The following NOX4 variants were observed in gnomAD, a reference collection of about 807,000 sequenced individuals.
NOX4 encodes the protein kidney oxidase-1.
Under a neutral mutation model 87.6 loss-of-function variants are expected in NOX4, and 69 were observed. That is an observed-to-expected ratio of 0.79 (90% confidence interval 0.65 to 0.96). The LOEUF is 0.96. Ranked by LOEUF, NOX4 falls within the 40% of genes least tolerant of loss-of-function variation. NOX4 has a pLI of 0.00. For missense variants in NOX4, 680 were observed against 681.5 expected, an observed-to-expected ratio of 1.00 and a Z score of 0.02; for synonymous variants, 275 against 238.2, an observed-to-expected ratio of 1.15 and a Z score of -1.42.
intron 2 of NOX4, among the ~76,000 whole-genome samples, chr11:89,456,045 T>C (rs1050547486): frequency 1.3e-5 from 2 of 152,056 alleles, no homozygotes; most frequent in African/African-American, 4.8e-5. Flanking sequence ...TAATTTACTG[T>C]ATATTCCAAA....
Position 89,326,849 on chromosome 11 carries a change from T to C in NOX4, c.1644A>G (p.Gly548=). The change falls in exon 18 of 18, where the codon GGA becomes GGG. Residue 548 remains glycine (G), a synonymous_variant. Coordinates refer to ENST00000263317, the MANE Select transcript of NOX4 (RefSeq NM_016931.5). ...RGKTVGVFCC[G]PNSLSKTLHK... ...GAAGAGTCTTGGATAGTGAATTGGG[T>C]CCACAACAGAAAACACCAACTGTTT... 6.2e-7 allele frequency: 1 copy of C among 1,613,228 alleles called. No individual in the cohort carries two copies.
chr11:89,461,657 A>AATAAATAAATAAATAAATAC (rs1370216569), intron 2 of NOX4, among the ~76,000 whole-genome samples: 5 of 151,690 alleles, frequency 3.3e-5, no homozygotes, highest in Non-Finnish European at 5.9e-5. Flanking sequence ...AAAATAAATA[A>AATAAATAAATAAATAAATAC]ATAAATAAAT....
chr11:89,355,461 TTC>T (rs1937971953), intron 12 of NOX4, among the ~76,000 whole-genome samples: 1 of 148,818 alleles, frequency 6.7e-6, no homozygotes, highest in Admixed American at 6.9e-5. Flanking sequence ...TATATTTTTT[TTC>T]CTTAATGGTA....
At chr11:89,540,249 T>C in the NOX4 span, among the ~76,000 whole-genome samples, 1 of 152,158 alleles carries the variant, frequency 6.6e-6, no homozygotes, top group Non-Finnish European at 1.5e-5. Flanking sequence ...TGTTATCAGT[T>C]CTTTTATTAG....
chr11:89,453,687 T>C (rs1192324613), intron 2 of NOX4, among the ~76,000 whole-genome samples: 4 of 152,148 alleles, frequency 2.6e-5, no homozygotes, highest in Admixed American at 2.0e-4. Flanking sequence ...ATTAACGATA[T>C]TGTCTTCCTT....
At chr11:89,383,867 A>G (rs953829151) in intron 11 of NOX4, among the ~76,000 whole-genome samples, 15 of 151,982 alleles carry the variant, frequency 9.9e-5, no homozygotes, top group African/African-American at 3.6e-4. Context: ...TCTCCACCTT[A>G]ATCCACAAGT....
At chr11:89,529,062 T>C in the NOX4 span, among the ~76,000 whole-genome samples, 1 of 151,646 alleles carries the variant, frequency 6.6e-6, no homozygotes, top group Non-Finnish European at 1.5e-5. Flanking sequence ...CCCCAGAAAG[T>C]GTAGAAAGAG....
At chr11:89,365,708 T>C (rs899421090) in intron 12 of NOX4, among the ~76,000 whole-genome samples, 7 of 106,928 alleles carry the variant, frequency 6.5e-5, no homozygotes, top group Non-Finnish European at 1.2e-4. Flanking sequence ...AGATGTGTAT[T>C]CAAGAAAAAA....
chr11:89,516,699 G>T, the NOX4 span, among the ~76,000 whole-genome samples: 1 of 151,952 alleles, frequency 6.6e-6, no homozygotes, highest in Admixed American at 6.6e-5. Context: ...ATTTGTGCAG[G>T]GTTTATAGTC....
At chr11:89,501,400 G>A (rs900045569), upstream of NOX4, among the ~76,000 whole-genome samples, 10 of 151,930 alleles carry the variant, frequency 6.6e-5, no homozygotes, top group African/African-American at 2.4e-4. Context: ...TGGTATTAAG[G>A]TCGCTTATAT....
At chr11:89,455,355 T>G (rs985564449) in intron 2 of NOX4, among the ~76,000 whole-genome samples, 1 of 152,024 alleles carries the variant, frequency 6.6e-6, no homozygotes, top group Non-Finnish European at 1.5e-5. Flanking sequence ...CCTTATAACT[T>G]CCTCTCAACT....
chr11:89,488,925 A>C, intron 2 of NOX4: 1 of 683,618 alleles, frequency 1.5e-6, no homozygotes, highest in South Asian at 1.6e-5. Context: ...ATTGTAAGCA[A>C]CTTGAGGGGC....
chr11:89,502,656 C>T (rs1947034767), upstream of NOX4, among the ~76,000 whole-genome samples: 2 of 151,918 alleles, frequency 1.3e-5, no homozygotes. Context: ...AGTCAATACT[C>T]TAAATGCTAT....
the NOX4 span, among the ~76,000 whole-genome samples, chr11:89,554,085 G>T: frequency 6.6e-6 from 1 of 150,562 alleles, no homozygotes; most frequent in African/African-American, 2.4e-5. Context: ...GTTTCAAAAG[G>T]ATGTATTTTT....
chr11:89,442,087 A>G (rs1180697289), intron 5 of NOX4, among the ~76,000 whole-genome samples: 1 of 150,468 alleles, frequency 6.6e-6, no homozygotes, highest in African/African-American at 2.4e-5. Context: ...TTTCATCTAC[A>G]TCTAATGCAT....
chr11:89,505,622 C>T, the NOX4 span, among the ~76,000 whole-genome samples: 262 of 151,522 alleles, frequency 1.7e-3, no homozygotes, highest in Non-Finnish European at 2.8e-3. Context: ...AGGAAATGTG[C>T]GGCAAAGAGA....
the NOX4 span, among the ~76,000 whole-genome samples, chr11:89,512,081 C>T: frequency 3.0e-4 from 46 of 152,082 alleles, 1 homozygote; most frequent in Non-Finnish European, 5.3e-4. Context: ...TATATTGCAT[C>T]GTTTCCTCTT....
At chr11:89,361,920 G>T (rs1292262227) in intron 12 of NOX4, among the ~76,000 whole-genome samples, 1 of 151,980 alleles carries the variant, frequency 6.6e-6, no homozygotes, top group Non-Finnish European at 1.5e-5. Flanking sequence ...CTTCCATCAG[G>T]GTCGGCCTCA....
chr11:89,523,108 C>G, the NOX4 span, among the ~76,000 whole-genome samples: 1 of 152,056 alleles, frequency 6.6e-6, no homozygotes, highest in Non-Finnish European at 1.5e-5. Flanking sequence ...CACTGTAACC[C>G]CCACCTCCGG....
Sources: allele counts gnomAD v4.1 joint callset (sites outside exome capture counted in the v4.1 genomes callset), GRCh38; gene constraint gnomAD v4.1.1; transcripts MANE v1.5; gene names NCBI Gene and HGNC (gene_info 2026-07-23, HGNC 2026-07-21).